DYDC2: variants seen among roughly 807,000 people sequenced by gnomAD.
The protein encoded by DYDC2 is DPY30 domain containing 2.
In DYDC2, 19 loss-of-function variants were observed where a neutral mutation model predicts 18.7. That is an observed-to-expected ratio of 1.02 (90% CI 0.71 to 1.49). The LOEUF (loss-of-function observed/expected upper bound fraction) is 1.49. Ranked by LOEUF, DYDC2 falls within the 40% of genes most tolerant of loss-of-function variation. The pLI, the probability that DYDC2 is intolerant of heterozygous loss-of-function variation, is 0.00. For missense variants in DYDC2, 179 were observed against 205.1 expected (o/e 0.87, Z 0.78); for synonymous variants, 63 against 67.6 (o/e 0.93, Z 0.34).
intron 4 of DYDC2, among the ~76,000 whole-genome samples, chr10:80,365,519 T>C (rs1248698372): frequency 6.7e-6 from 1 of 149,496 alleles, no homozygotes. Context: ...ACTCAATAGT[T>C]TGAAGTGTAG....
At chr10:80,352,791 C>T (rs765672297), upstream of DYDC2, 1 of 638,082 alleles carries the variant, frequency 1.6e-6, no homozygotes, top group Non-Finnish European at 2.3e-6. Flanking sequence ...CAAAAGGGCT[C>T]CAAGGAAGTC....
intron 2 of DYDC2, among the ~76,000 whole-genome samples, chr10:80,360,592 C>G (rs962770323): frequency 6.6e-6 from 1 of 152,090 alleles, no homozygotes; most frequent in Admixed American, 6.5e-5. Flanking sequence ...CATTTGGGAG[C>G]CATTATTCAG....
intron 2 of DYDC2, among the ~76,000 whole-genome samples, chr10:80,358,926 T>C (rs955776196): frequency 1.3e-5 from 2 of 152,146 alleles, no homozygotes; most frequent in Non-Finnish European, 1.5e-5. Context: ...CCTTCAGAAG[T>C]GAAGCTGCAG....
chr10:80,364,392 C>T (rs1843762034), intron 4 of DYDC2, among the ~76,000 whole-genome samples: 1 of 152,130 alleles, frequency 6.6e-6, no homozygotes, highest in Admixed American at 6.5e-5. Context: ...TTGTCATCAC[C>T]TTGCTGTGCA....
intron 1 of DYDC2, among the ~76,000 whole-genome samples, chr10:80,357,105 G>A (rs1211444713): frequency 6.8e-6 from 1 of 146,722 alleles, no homozygotes; most frequent in African/African-American, 2.5e-5. Context: ...GGGGCGTTCA[G>A]GAGTCGGGCC....
chr10:80,360,763 CTT>C (rs3038615), intron 2 of DYDC2, among the ~76,000 whole-genome samples: 28 of 139,570 alleles, frequency 2.0e-4, no homozygotes, highest in Admixed American at 2.2e-4. Context: ...TTCTTTCTTT[CTT>C]TTTTTTTTTT....
intron 1 of DYDC2, among the ~76,000 whole-genome samples, chr10:80,349,937 C>T (rs529538514): frequency 4.9e-4 from 75 of 152,298 alleles, no homozygotes; most frequent in Admixed American, 1.9e-3. Flanking sequence ...CAAGGAATTT[C>T]AAGTCAGTGG....
intron 4 of DYDC2, 66 bp downstream of exon 4, chr10:80,363,139 A>C: frequency 6.4e-7 from 1 of 1,551,294 alleles, no homozygotes; most frequent in Non-Finnish European, 8.7e-7. Flanking sequence ...GGAAAGCCAC[A>C]AGTCAGCCCA....
At chr10:80,364,265 CA>C in intron 4 of DYDC2, among the ~76,000 whole-genome samples, 1 of 152,214 alleles carries the variant, frequency 6.6e-6, no homozygotes, top group Non-Finnish European at 1.5e-5. Context: ...TAAATTAAAT[CA>C]AAAGATAGTT....
At chr10:80,355,986 TAAA>T (rs370903702), upstream of DYDC2, among the ~76,000 whole-genome samples, 5 of 118,866 alleles carry the variant, frequency 4.2e-5, no homozygotes, top group Non-Finnish European at 3.6e-5. Flanking sequence ...GAAGTGAAGT[TAAA>T]AAAAAAAAAA....
chr10:80,352,412 A>G (rs371751652), upstream of DYDC2: 1 of 1,513,624 alleles, frequency 6.6e-7, no homozygotes, highest in African/African-American at 1.4e-5. Context: ...AAGTTGGACC[A>G]GTTTTTTTTC....
upstream of DYDC2, chr10:80,351,799 C>T (rs910863231): frequency 1.9e-6 from 2 of 1,026,264 alleles, no homozygotes; most frequent in African/African-American, 3.2e-5. Flanking sequence ...GAAGCCATAT[C>T]TAAATAACTG....
At chr10:80,359,797 C>G (rs1322153580) in intron 2 of DYDC2, among the ~76,000 whole-genome samples, 1 of 152,194 alleles carries the variant, frequency 6.6e-6, no homozygotes, top group Non-Finnish European at 1.5e-5. Context: ...CGGGGCCCAC[C>G]AAGCCCGCGC....
chr10:80,356,235 T>C, upstream of DYDC2: 1 of 983,860 alleles, frequency 1.0e-6, no homozygotes, highest in East Asian at 1.1e-4. Flanking sequence ...TGGTAAGCAA[T>C]GTTATTTTTC....
At chr10:80,363,212 C>A (rs1157840192) in intron 4 of DYDC2, 139 bp downstream of exon 4, 2 of 713,700 alleles carry the variant, frequency 2.8e-6, no homozygotes, top group Non-Finnish European at 4.2e-6. Context: ...TGCAAGTATT[C>A]ACATATTTGC....
intron 1 of DYDC2, among the ~76,000 whole-genome samples, chr10:80,347,393 A>C (rs1842734187): frequency 6.7e-6 from 1 of 148,584 alleles, no homozygotes; most frequent in Non-Finnish European, 1.5e-5. Flanking sequence ...ATCTTCTCCC[A>C]ATCCATAGGC....
In DYDC2 at chr10:80,367,176, T is replaced by C. The variant is rs968338000; in HGVS notation, c.*225T>C. 3 of 509,236 alleles carry C rather than the reference T, an allele frequency of 5.9e-6. No individual in the cohort carries two copies. The highest frequency in any genetic ancestry group is 1.0e-5 in the Non-Finnish European group (3 of 301,268). 31.5% of individuals were successfully genotyped at this position (509,236 alleles called of 1,614,324 possible). On this transcript the variant is annotated 3_prime_UTR_variant, in exon 5 of 5. Coordinates refer to ENST00000256039, the MANE Select transcript of DYDC2 (RefSeq NM_032372.6). ...TAAGTAACCAAGTGGCTGTGACTTT[T>C]TCCTCTTGTTTTATCAACGTTTTGG...
upstream of DYDC2, among the ~76,000 whole-genome samples, chr10:80,356,109 G>T (rs562744545): frequency 6.6e-6 from 1 of 152,338 alleles, no homozygotes; most frequent in South Asian, 2.1e-4. Flanking sequence ...AGCGGGGCCA[G>T]GTCAGGGGAG....
At chr10:80,355,448 G>C (rs1334267444), upstream of DYDC2, among the ~76,000 whole-genome samples, 1 of 152,026 alleles carries the variant, frequency 6.6e-6, no homozygotes, top group Non-Finnish European at 1.5e-5. Context: ...AATCACATAT[G>C]CATTCACCCT....
Sources: gnomAD v4.1 joint callset for allele counts (sites outside exome capture counted in the v4.1 genomes callset) on GRCh38, gnomAD v4.1.1 for gene constraint, MANE v1.5 for transcripts, NCBI Gene and HGNC (gene_info 2026-07-23, HGNC 2026-07-21) for gene names.